TCF7L2: variants seen among roughly 807,000 people sequenced by gnomAD.
The protein encoded by TCF7L2 is transcription factor 7 like 2.
Under a neutral mutation model 77.9 loss-of-function variants are expected in TCF7L2, and 23 were observed. The ratio of observed to expected loss-of-function variants is 0.30; its 90% confidence interval spans 0.21 to 0.42. TCF7L2 has a LOEUF of 0.42. Among genes scored for constraint, TCF7L2 ranks in the 10% least tolerant of loss-of-function variants. The pLI is 1.00. For synonymous variants in TCF7L2, 413 were observed against 340.2 expected (o/e 1.21, Z -2.36); for missense variants, 654 against 793.1 (o/e 0.82, Z 2.11).
In TCF7L2 at chr10:113,070,269, T is replaced by TTATATATATATATA. The variant is rs34181424; in HGVS notation, c.552+30151_552+30164dup. Among the ~76,000 whole-genome samples, 637 of 124,048 alleles carry TTATATATATATATA rather than the reference T, an allele frequency of 5.1e-3. 9 individuals are homozygous for TTATATATATATATA. The highest frequency in any genetic ancestry group is 0.018 in the African/African-American group (580 of 32,452). 81.4% of individuals were successfully genotyped at this position (124,048 alleles called of 152,430 possible). A position where few individuals can be genotyped will look rare whatever the true frequency, so the allele number is the denominator to read the frequency against. On this transcript the variant is annotated intron_variant, in intron 5 of 13. Coordinates refer to ENST00000627217, the MANE Select transcript of TCF7L2 (RefSeq NM_001146274.2). Reference sequence around the variant, plus strand: ...GACTCCGTCTTAAAAAAAAAAAAATTTATATATATATATATATATATGAAT... The same window carrying TTATATATATATATA: ...GACTCCGTCTTAAAAAAAAAAAAATTTATATATATATATATATATATATATATATATATATGAAT...
At chr10:113,039,524 G>A (rs2052038130) in intron 4 of TCF7L2, among the ~76,000 whole-genome samples, 2 of 152,112 alleles carry the variant, frequency 1.3e-5, no homozygotes, top group African/African-American at 4.8e-5. Flanking sequence ...GCTACCTAAA[G>A]GACAGCTGCT....
Position 113,151,134 on chromosome 10 carries a change from C to T in TCF7L2, c.1001+11C>T, listed in dbSNP as rs902217655. 6 of 1,614,120 alleles carry T rather than the reference C, an allele frequency of 3.7e-6. No individual in the cohort carries two copies. Among genetic ancestry groups the T allele is most frequent in the Non-Finnish European group, 5.1e-6 (6 of 1,180,018 alleles). ...CTCACTCCATAGTTCGTAAGTGTTG[C>T]TGTTTTTCTCACCTTCTTCGTAGCC... On this transcript the variant is annotated intron_variant, in intron 9 of 13. Coordinates refer to ENST00000627217, the MANE Select transcript of TCF7L2 (RefSeq NM_001146274.2). This position sits in a 1 kb window ranked among gnomAD's most constrained non-coding sequence, Gnocchi z 5.2.
At chr10:113,056,144 T>G (rs959903528) in intron 5 of TCF7L2, among the ~76,000 whole-genome samples, 3 of 152,202 alleles carry the variant, frequency 2.0e-5, no homozygotes, top group African/African-American at 7.2e-5. Flanking sequence ...ATCTCATCAG[T>G]CTTTGCAACA....
chr10:113,028,141 A>T (rs774631512), intron 4 of TCF7L2, among the ~76,000 whole-genome samples: 12 of 152,218 alleles, frequency 7.9e-5, no homozygotes, highest in Non-Finnish European at 1.6e-4. Flanking sequence ...AATAGAGACA[A>T]GGATTACCAA....
chr10:112,976,879 CAGT>C (rs1479473121), intron 4 of TCF7L2, among the ~76,000 whole-genome samples: 2 of 152,084 alleles, frequency 1.3e-5, no homozygotes, highest in Non-Finnish European at 2.9e-5. Flanking sequence ...ATCATCCAAA[CAGT>C]GGTAACTATG....
At chr10:112,964,700 C>A in intron 4 of TCF7L2, 76 bp downstream of exon 4, 1 of 1,244,670 alleles carries the variant, frequency 8.0e-7, no homozygotes, top group Non-Finnish European at 1.2e-6. Context: ...TCCGCCCCTT[C>A]CCCCAACTGA....
intron 5 of TCF7L2, among the ~76,000 whole-genome samples, chr10:113,116,129 G>A (rs993268917): frequency 6.6e-6 from 1 of 152,056 alleles, no homozygotes; most frequent in African/African-American, 2.4e-5. Flanking sequence ...AGAAAAACTG[G>A]ATTGGTTATG....
At chr10:113,144,154 A>T (rs1329466903) in intron 7 of TCF7L2, 129 bp downstream of exon 7, 1 of 845,918 alleles carries the variant, frequency 1.2e-6, no homozygotes, top group Non-Finnish European at 1.7e-6. Context: ...GTGTGTTAGA[A>T]GCCAGGGTTG....
intron 4 of TCF7L2, among the ~76,000 whole-genome samples, chr10:112,981,322 TAAAG>T (rs1179947097): frequency 2.1e-4 from 31 of 145,612 alleles, no homozygotes; most frequent in African/African-American, 3.8e-4. Flanking sequence ...AAAAAAAAAA[TAAAG>T]AAAGAAAAAA....
intron 2 of TCF7L2, 45 bp from the exon 3 acceptor site, chr10:112,951,438 G>A (rs1197936075): frequency 2.2e-6 from 3 of 1,364,664 alleles, no homozygotes; most frequent in Non-Finnish European, 2.9e-6. Flanking sequence ...ACTCTCTCCC[G>A]CTCCGCGCGG....
At chr10:113,058,705 T>C (rs2055846558) in intron 5 of TCF7L2, among the ~76,000 whole-genome samples, 1 of 151,910 alleles carries the variant, frequency 6.6e-6, no homozygotes, top group African/African-American at 2.4e-5. Flanking sequence ...TGTGTGTGTG[T>C]GTGTGCGTGT....
Position 113,166,917 on chromosome 10 carries a change from A to G in TCF7L2, c.*945A>G, listed in dbSNP as rs1276630208. 1 of 230,328 alleles carries G rather than the reference A, an allele frequency of 4.3e-6. No individual in the cohort carries two copies. The highest frequency in any genetic ancestry group is 8.6e-6 in the Non-Finnish European group (1 of 116,310). 14.3% of individuals were successfully genotyped at this position (230,328 alleles called of 1,614,324 possible). On this transcript the variant is annotated 3_prime_UTR_variant, in exon 14 of 14. Coordinates refer to ENST00000627217, the MANE Select transcript of TCF7L2 (RefSeq NM_001146274.2). ...ATTAACAAAAGTTGCTTTAAAAGCC[A>G]TTATGTAAAACAAGACTTGAAAATG...
chr10:113,023,937 C>T (rs936243340), intron 4 of TCF7L2, among the ~76,000 whole-genome samples: 12 of 151,690 alleles, frequency 7.9e-5, no homozygotes, highest in Non-Finnish European at 1.8e-4. Context: ...GGATTACAGG[C>T]GTGAGCCACT....
At chr10:113,114,516 T>C (rs1040201783) in intron 5 of TCF7L2, among the ~76,000 whole-genome samples, 1 of 152,196 alleles carries the variant, frequency 6.6e-6, no homozygotes, top group Non-Finnish European at 1.5e-5. Flanking sequence ...GGTCTGTATT[T>C]TCCTCCAGCG....
intron 13 of TCF7L2, chr10:113,161,500 G>T: frequency 6.8e-7 from 1 of 1,467,802 alleles, no homozygotes; most frequent in South Asian, 1.2e-5. Context: ...GAGGGATACC[G>T]ACTAGCTCCT....
intron 13 of TCF7L2, among the ~76,000 whole-genome samples, chr10:113,164,011 C>T (rs540666439): frequency 3.9e-5 from 6 of 152,210 alleles, no homozygotes; most frequent in Admixed American, 3.3e-4. Flanking sequence ...TTGCTTCCAG[C>T]GGCAGAAAGC....
At chr10:113,117,434 C>CCTCTCTCTCTCTCTCT (rs869299420) in intron 5 of TCF7L2, among the ~76,000 whole-genome samples, 1 of 39,760 alleles carries the variant, frequency 2.5e-5, no homozygotes, top group Non-Finnish European at 4.3e-5. Context: ...TCTCTCTCTC[C>CCTCTCTCTCTCTCTCT]CTCTCTCTCT....
chr10:112,995,353 T>C (rs1167051585), intron 4 of TCF7L2, among the ~76,000 whole-genome samples: 1 of 152,134 alleles, frequency 6.6e-6, no homozygotes, highest in African/African-American at 2.4e-5. Flanking sequence ...TATTTGTAAG[T>C]CTCCTGACAG....
At chr10:113,021,729 G>C (rs1312161802) in intron 4 of TCF7L2, among the ~76,000 whole-genome samples, 3 of 152,226 alleles carry the variant, frequency 2.0e-5, no homozygotes, top group South Asian at 2.1e-4. Context: ...ACTCAAAACT[G>C]AACTCTCCAC....
Sources: allele counts gnomAD v4.1 joint callset (sites outside exome capture counted in the v4.1 genomes callset), GRCh38; gene constraint gnomAD v4.1.1; non-coding constraint Gnocchi (gnomAD v3.1); transcripts MANE v1.5; gene names NCBI Gene and HGNC (gene_info 2026-07-23, HGNC 2026-07-21).